Variants in NRXN1 observed in about 807,000 individuals in gnomAD.
The protein encoded by NRXN1 is neurexin 1.
A neutral mutation model predicts 150.9 loss-of-function variants in NRXN1; 39 were observed. The ratio of observed to expected loss-of-function variants is 0.26; its 90% CI spans 0.20 to 0.34. NRXN1 has a LOEUF of 0.34. Ranked by LOEUF, NRXN1 falls within the 10% of genes least tolerant of loss-of-function variation. NRXN1 has a pLI of 1.00. For missense variants in NRXN1, 1,815 were observed against 1,949.9 expected (o/e 0.93, Z 1.30); for synonymous variants, 924 against 757.0 (o/e 1.22, Z -3.62).
intron 17 of NRXN1, among the ~76,000 whole-genome samples, chr2:50,257,023 TC>T (rs2152905918): frequency 6.6e-6 from 1 of 152,228 alleles, no homozygotes; most frequent in Non-Finnish European, 1.5e-5. Flanking sequence ...AGGGTGTTTA[TC>T]CAGGCTTTGA....
At chr2:50,854,311 T>C (rs1559354632) in intron 5 of NRXN1, among the ~76,000 whole-genome samples, 1 of 152,066 alleles carries the variant, frequency 6.6e-6, no homozygotes, top group Non-Finnish European at 1.5e-5. Flanking sequence ...ATCTCATATA[T>C]TAATGCATCT....
At chr2:50,286,877 T>C (rs2072253014) in intron 17 of NRXN1, among the ~76,000 whole-genome samples, 1 of 152,132 alleles carries the variant, frequency 6.6e-6, no homozygotes, top group Non-Finnish European at 1.5e-5. Context: ...GCTCCTAAGA[T>C]ACAGCCTGGC....
At chr2:50,760,784 C>T (rs953424395) in intron 5 of NRXN1, among the ~76,000 whole-genome samples, 6 of 151,896 alleles carry the variant, frequency 4.0e-5, no homozygotes, top group Middle Eastern at 3.4e-3. Flanking sequence ...ATGAAAACTC[C>T]GAGGCAGATG....
At chr2:50,872,722 G>C (rs1677974359) in intron 5 of NRXN1, among the ~76,000 whole-genome samples, 2 of 151,754 alleles carry the variant, frequency 1.3e-5, no homozygotes, top group African/African-American at 4.8e-5. Flanking sequence ...GGAGGCAAAG[G>C]TGCGAGGACC....
At chr2:50,418,516 G>A (rs1436660370) in intron 17 of NRXN1, among the ~76,000 whole-genome samples, 2 of 152,020 alleles carry the variant, frequency 1.3e-5, no homozygotes, top group African/African-American at 2.4e-5. Context: ...TTTGTATTTG[G>A]CAGGAACTTA....
At chr2:50,951,549 G>A (rs1691338431) in intron 2 of NRXN1, among the ~76,000 whole-genome samples, 1 of 151,996 alleles carries the variant, frequency 6.6e-6, no homozygotes, top group African/African-American at 2.4e-5. Flanking sequence ...AAACCTGGAG[G>A]AGTTTAAAAT....
intron 5 of NRXN1, among the ~76,000 whole-genome samples, chr2:50,782,338 C>A (rs1046745980): frequency 6.6e-6 from 1 of 151,936 alleles, no homozygotes; most frequent in Admixed American, 6.6e-5. Context: ...GGTGTGGTGG[C>A]TCATGCTTGT....
At chr2:50,201,834 A>G (rs1268348967) in intron 18 of NRXN1, among the ~76,000 whole-genome samples, 1 of 152,204 alleles carries the variant, frequency 6.6e-6, no homozygotes, top group Non-Finnish European at 1.5e-5. Context: ...CTGGAACATT[A>G]GCTTCCAAGG....
chr2:51,026,823 G>A (rs185837728), intron 2 of NRXN1, among the ~76,000 whole-genome samples: 1 of 152,234 alleles, frequency 6.6e-6, no homozygotes, highest in African/African-American at 2.4e-5. Context: ...ACAAATGTTG[G>A]ACTTGGATAT....
At chr2:50,950,153 G>T (rs1324601956) in intron 2 of NRXN1, among the ~76,000 whole-genome samples, 2 of 152,032 alleles carry the variant, frequency 1.3e-5, no homozygotes, top group Non-Finnish European at 2.9e-5. Context: ...ATAGTAATCT[G>T]GGAAAGTGGT....
intron 5 of NRXN1, among the ~76,000 whole-genome samples, chr2:50,828,787 G>T (rs1670927223): frequency 6.6e-6 from 1 of 152,004 alleles, no homozygotes; most frequent in African/African-American, 2.4e-5. Context: ...CCAGACGATA[G>T]GCGGCCAGGC....
At chr2:50,912,080 T>C (rs1385475245) in intron 5 of NRXN1, 1 of 151,846 alleles carries the variant, frequency 6.6e-6, no homozygotes, top group African/African-American at 2.4e-5. Flanking sequence ...AAGTTGTACA[T>C]GTCACTGCAA....
chr2:50,734,768 A>T (rs1470025112), intron 5 of NRXN1, among the ~76,000 whole-genome samples: 1 of 152,046 alleles, frequency 6.6e-6, no homozygotes, highest in Non-Finnish European at 1.5e-5. Context: ...CAACAAAAAA[A>T]CTCTGTGTTG....
chr2:50,798,009 G>A (rs1460977422), intron 5 of NRXN1, among the ~76,000 whole-genome samples: 1 of 152,140 alleles, frequency 6.6e-6, no homozygotes, highest in Non-Finnish European at 1.5e-5. Flanking sequence ...TTTGAGGCGG[G>A]CTGGTAGAAA....
rs369893668 is a variant in NRXN1, at chr2:51,020,839, C to T, written c.772+6663G>A. On this transcript the variant is annotated intron_variant, in intron 2 of 22. Transcript: ENST00000401669. ...ACACAAAATACAAATAATCATGTGGCAAGAAAGGAATCTGAGAGAGCATGG... is the reference window on the plus strand; with the variant it reads ...ACACAAAATACAAATAATCATGTGGTAAGAAAGGAATCTGAGAGAGCATGG... 7.9e-5 allele frequency among the ~76,000 whole-genome samples: 12 copies of T among 152,012 alleles called. No individual in the cohort carries two copies. The South Asian group carries it at 2.5e-3, about 32-fold the overall frequency.
intron 1 of NRXN1, among the ~76,000 whole-genome samples, chr2:51,031,399 T>C (rs1184320182): frequency 6.6e-6 from 1 of 152,048 alleles, no homozygotes; most frequent in East Asian, 1.9e-4. Flanking sequence ...GTTTCTGATA[T>C]CACACACACA....
chr2:50,255,722 A>C (rs536567126), intron 17 of NRXN1, among the ~76,000 whole-genome samples: 1 of 152,308 alleles, frequency 6.6e-6, no homozygotes, highest in African/African-American at 2.4e-5. Flanking sequence ...AATTCATTTT[A>C]AATGGGTTAT....
chr2:50,078,929 C>T lies in NRXN1; in HGVS notation c.3718+12394G>A, dbSNP rs186757902. Among the ~76,000 whole-genome samples, 48 of 152,094 alleles carry T rather than the reference C, an allele frequency of 3.2e-4. 1 individual carries two copies. The East Asian group carries it at 3.7e-3, about 12-fold the overall frequency. ...TACTAATTTCTACTGAAAACTTTTT[C>T]GCACTTATTTTGGTATCTATTAGGG... On this transcript the variant is annotated intron_variant, in intron 19 of 22. Coordinates refer to ENST00000401669, the MANE Select transcript of NRXN1 (RefSeq NM_001330078.2).
At chr2:50,408,547 G>C (rs1338111795) in intron 17 of NRXN1, among the ~76,000 whole-genome samples, 1 of 152,098 alleles carries the variant, frequency 6.6e-6, no homozygotes, top group Non-Finnish European at 1.5e-5. Flanking sequence ...TAAAATATTT[G>C]TTGAAAGAAT....
Sources: allele counts gnomAD v4.1 joint callset (sites outside exome capture counted in the v4.1 genomes callset), GRCh38; gene constraint gnomAD v4.1.1; transcripts MANE v1.5; gene names NCBI Gene and HGNC (gene_info 2026-07-23, HGNC 2026-07-21).